Variants in COX7A2 observed in about 807,000 individuals in gnomAD.
COX7A2 encodes the protein cytochrome c oxidase subunit 7A2.
A neutral mutation model predicts 11.6 loss-of-function variants in COX7A2; 11 were observed. That is an observed-to-expected ratio of 0.95 (90% CI 0.60 to 1.57). The LOEUF (loss-of-function observed/expected upper bound fraction) is 1.57, where lower values mean the gene tolerates loss of function less well. Among genes scored for constraint, COX7A2 ranks in the 40% most tolerant of loss-of-function variants. The pLI is 0.00. For synonymous variants in COX7A2, 30 were observed against 38.2 expected, an observed-to-expected ratio of 0.78 and a Z score of 0.79; for missense variants, 106 against 100.9, an observed-to-expected ratio of 1.05 and a Z score of -0.22.
intron 1 of COX7A2, chr6:75,249,933 C>G (rs1452641116): frequency 6.6e-6 from 1 of 152,076 alleles, no homozygotes; most frequent in Non-Finnish European, 1.5e-5. Flanking sequence ...ACTAAATCAT[C>G]AAGAGAGATG....
intron 1 of COX7A2, among the ~76,000 whole-genome samples, chr6:75,243,120 T>C (rs1427304830): frequency 6.6e-6 from 1 of 152,202 alleles, no homozygotes; most frequent in African/African-American, 2.4e-5. Context: ...AAATAATCAT[T>C]GTCGCATTTT....
At chr6:75,247,747 A>G (rs560963937), upstream of COX7A2, among the ~76,000 whole-genome samples, 31 of 152,148 alleles carry the variant, frequency 2.0e-4, no homozygotes, top group African/African-American at 7.2e-4. Context: ...GTCCTGCCCT[A>G]CAAACCACAA....
upstream of COX7A2, among the ~76,000 whole-genome samples, chr6:75,247,845 T>C (rs571748493): frequency 2.0e-4 from 31 of 152,278 alleles, 1 homozygote; most frequent in South Asian, 6.2e-3. Context: ...AAAATCAAAA[T>C]GTTTTACCCC....
chr6:75,241,387 C>T (rs2149510888), intron 1 of COX7A2, 122 bp from the exon 2 acceptor site: 1 of 833,602 alleles, frequency 1.2e-6, no homozygotes, highest in Non-Finnish European at 1.7e-6. Context: ...GATTTGTCAG[C>T]AGCAAAGTCA....
At chr6:75,246,207 C>CAGA (rs1771679437), upstream of COX7A2, among the ~76,000 whole-genome samples, 2 of 152,210 alleles carry the variant, frequency 1.3e-5, no homozygotes, top group Admixed American at 1.3e-4. Flanking sequence ...GAGACATCTC[C>CAGA]ACCTAGATGG....
chr6:75,241,366 G>A (rs1771496281), intron 1 of COX7A2, 101 bp from the exon 2 acceptor site: 1 of 1,051,774 alleles, frequency 9.5e-7, no homozygotes, highest in African/African-American at 1.6e-5. Flanking sequence ...ATTGAGACTT[G>A]AAGCATATCT....
intron 3 of COX7A2, among the ~76,000 whole-genome samples, chr6:75,238,724 AAAAAG>A (rs1771395759): frequency 1.3e-5 from 2 of 151,646 alleles, no homozygotes; most frequent in African/African-American, 4.8e-5. Context: ...AAAAAAAAAA[AAAAAG>A]CTGATAACTG....
chr6:75,245,617 A>T (rs1158535473), upstream of COX7A2, among the ~76,000 whole-genome samples: 1 of 152,168 alleles, frequency 6.6e-6, no homozygotes, highest in Non-Finnish European at 1.5e-5. Context: ...CACATTCCCA[A>T]ATTAAAAACA....
chr6:75,243,599 G>A, intron 1 of COX7A2, 118 bp downstream of exon 1: 1 of 871,142 alleles, frequency 1.1e-6, no homozygotes, highest in South Asian at 1.5e-5. Context: ...CACGAATCAA[G>A]GTGACTTCAT....
At chr6:75,243,873 C>A, upstream of COX7A2, 1 of 1,580,848 alleles carries the variant, frequency 6.3e-7, no homozygotes, top group Non-Finnish European at 8.7e-7. Context: ...GGCTTGCGCT[C>A]CTAACCATAG....
chr6:75,245,039 T>C (rs1771649993), upstream of COX7A2, among the ~76,000 whole-genome samples: 4 of 152,262 alleles, frequency 2.6e-5, no homozygotes, highest in Admixed American at 2.6e-4. Flanking sequence ...TGCTCTCTTA[T>C]GTTTTCTCCA....
rs566495215 is a variant in COX7A2, at chr6:75,241,860, T to C, written c.19-595A>G. On this transcript the variant is annotated intron_variant, in intron 1 of 3. Coordinates refer to ENST00000684430, the MANE Select transcript of COX7A2 (RefSeq NM_001366293.2). ...TACTTGGGAGGCTGAGGCAGGAGAA[T>C]AGCTTGAACCTGGGAGGCGGAGGTT... The C allele has an allele frequency of 1.2e-3, 189 of 154,028 alleles. 1 individual carries two copies. The highest frequency in any genetic ancestry group is 2.3e-3 in the Non-Finnish European group (161 of 69,072). 9.5% of individuals were successfully genotyped at this position (154,028 alleles called of 1,614,324 possible). A position where few individuals can be genotyped will look rare whatever the true frequency, so the allele number is the denominator to read the frequency against.
At position 75,237,965 on chromosome 6, in the gene COX7A2, G is replaced by A. The variant is rs778159357; in HGVS notation, c.217C>T (p.Leu73=). 6.9e-6 allele frequency: 11 copies of A among 1,604,830 alleles called. No homozygotes were observed. In the South Asian group the frequency reaches 1.2e-4, roughly 18 times the overall value. Reference sequence around the variant, plus strand: ...TTCTTGGGAAATGAAGCCACAGCCAGCTCATATATGGCATATGCTGTTCCT... The same window carrying A: ...TTCTTGGGAAATGAAGCCACAGCCAACTCATATATGGCATATGCTGTTCCT... The part of the protein sequence containing the change: ...VGGTAYAIYE[L]AVASFPKKQE Residue 73 remains leucine (L), a synonymous_variant, in exon 4 of 4, where the codon CTG becomes TTG. Coordinates refer to ENST00000684430, the MANE Select transcript of COX7A2 (RefSeq NM_001366293.2).
intron 3 of COX7A2, among the ~76,000 whole-genome samples, chr6:75,239,991 C>T (rs1240523549): frequency 6.6e-6 from 1 of 152,018 alleles, no homozygotes; most frequent in Non-Finnish European, 1.5e-5. Context: ...ATCCCAGCTA[C>T]TCGGGAGGCT....
At chr6:75,248,832 A>T (rs1030115037) in intron 1 of COX7A2, among the ~76,000 whole-genome samples, 2 of 152,226 alleles carry the variant, frequency 1.3e-5, no homozygotes, top group African/African-American at 4.8e-5. Context: ...TCTGGAGAAT[A>T]TAATCTAATT....
chr6:75,250,056 C>G (rs1771756286), exon 1 of COX7A2: 2 of 152,084 alleles, frequency 1.3e-5, no homozygotes, highest in African/African-American at 4.8e-5. Context: ...TCTGGCTTAC[C>G]TCAAGGTGGT....
upstream of COX7A2, chr6:75,243,883 G>A (rs1771614647): frequency 1.9e-6 from 3 of 1,539,648 alleles, no homozygotes; most frequent in Middle Eastern, 1.7e-4. Flanking sequence ...CCTAACCATA[G>A]AGAGCAAAAG....
At chr6:75,242,465 C>T (rs1562371201) in intron 1 of COX7A2, among the ~76,000 whole-genome samples, 4 of 151,930 alleles carry the variant, frequency 2.6e-5, no homozygotes, top group Admixed American at 2.6e-4. Context: ...GAGATTGCAC[C>T]ACTGCACTCC....
intron 3 of COX7A2, among the ~76,000 whole-genome samples, chr6:75,238,692 G>A (rs1196561958): frequency 1.3e-4 from 10 of 77,234 alleles, no homozygotes; most frequent in South Asian, 5.4e-4. Context: ...CAACAAGAGC[G>A]AAACTCCATC....
Sources: allele counts gnomAD v4.1 joint callset (sites outside exome capture counted in the v4.1 genomes callset), GRCh38; gene constraint gnomAD v4.1.1; transcripts MANE v1.5; gene names NCBI Gene and HGNC (gene_info 2026-07-23, HGNC 2026-07-21).